Variants in SDHC observed in about 807,000 individuals in gnomAD.
The protein encoded by SDHC is succinate dehydrogenase cytochrome b560 subunit, mitochondrial.
Under a neutral mutation model 22.6 loss-of-function variants are expected in SDHC, and 11 were observed. The observed-to-expected ratio is 0.49, with a 90% CI of 0.31 to 0.81. The LOEUF is 0.81. Among genes scored for constraint, SDHC ranks in the 30% least tolerant of loss-of-function variants. The pLI is 0.05. For synonymous variants in SDHC, 80 were observed against 77.8 expected (o/e 1.03, Z -0.15); for missense variants, 160 against 212.0 (o/e 0.75, Z 1.52).
intron 5 of SDHC, among the ~76,000 whole-genome samples, chr1:161,358,921 A>T (rs1672391860): frequency 7.6e-6 from 1 of 131,024 alleles, no homozygotes; most frequent in Admixed American, 8.5e-5. Flanking sequence ...CAAGAGCGAA[A>T]TTCCGTCTCA....
intron 1 of SDHC, among the ~76,000 whole-genome samples, chr1:161,319,644 A>G (rs1670769928): frequency 6.6e-6 from 1 of 151,856 alleles, no homozygotes. Flanking sequence ...GTGGGGTTTC[A>G]CCATGTCGGC....
At chr1:161,336,061 T>G (rs963887051) in intron 3 of SDHC, among the ~76,000 whole-genome samples, 5 of 152,134 alleles carry the variant, frequency 3.3e-5, no homozygotes, top group African/African-American at 1.2e-4. Flanking sequence ...ATTCCAGGAA[T>G]AATCCTGTTT....
intron 3 of SDHC, among the ~76,000 whole-genome samples, chr1:161,331,836 C>G (rs551696527): frequency 9.2e-5 from 14 of 152,212 alleles, no homozygotes; most frequent in Admixed American, 2.6e-4. Context: ...ACCTCGTGAT[C>G]TGCCCGCCCT....
intron 5 of SDHC, among the ~76,000 whole-genome samples, chr1:161,360,022 A>T (rs536582317): frequency 4.7e-4 from 63 of 134,954 alleles, no homozygotes; most frequent in African/African-American, 1.6e-3. Flanking sequence ...GCATCTTCTC[A>T]TCTTGATTTT....
At chr1:161,326,566 T>TAG (rs1453001693) in intron 2 of SDHC, 1 of 147,246 alleles carries the variant, frequency 6.8e-6, no homozygotes, top group African/African-American at 2.5e-5. Context: ...TTTTTAAATA[T>TAG]ATATATATAT....
At chr1:161,344,639 G>T (rs894207014) in intron 4 of SDHC, among the ~76,000 whole-genome samples, 1 of 152,060 alleles carries the variant, frequency 6.6e-6, no homozygotes, top group Non-Finnish European at 1.5e-5. Flanking sequence ...AATGTTGAAG[G>T]TCCCTCCATC....
intron 3 of SDHC, among the ~76,000 whole-genome samples, chr1:161,336,679 C>G (rs180844852): frequency 7.9e-5 from 12 of 152,060 alleles, no homozygotes; most frequent in Admixed American, 2.0e-4. Flanking sequence ...GGGGCTATAT[C>G]CAGAGTGGCA....
intron 2 of SDHC, among the ~76,000 whole-genome samples, chr1:161,327,439 G>C (rs1020443324): frequency 6.6e-6 from 1 of 152,184 alleles, no homozygotes; most frequent in Non-Finnish European, 1.5e-5. Context: ...TGGACTTTCT[G>C]TTGTTGGAGT....
chr1:161,326,217 AAGC>A (rs1671040261), intron 2 of SDHC, among the ~76,000 whole-genome samples: 1 of 152,044 alleles, frequency 6.6e-6, no homozygotes, highest in Middle Eastern at 3.2e-3. Flanking sequence ...AAAAAAAAAA[AAGC>A]AGAGTTATCG....
At chr1:161,353,882 A>T (rs1272959786) in intron 4 of SDHC, among the ~76,000 whole-genome samples, 1 of 152,242 alleles carries the variant, frequency 6.6e-6, no homozygotes. Flanking sequence ...TTTTTATTTC[A>T]TTCTTAAATA....
At chr1:161,322,762 T>A (rs1670884562) in intron 1 of SDHC, among the ~76,000 whole-genome samples, 1 of 152,108 alleles carries the variant, frequency 6.6e-6, no homozygotes, top group South Asian at 2.1e-4. Flanking sequence ...AGATGGGGTT[T>A]TACCATGTTG....
At chr1:161,325,334 C>T (rs1383377629) in intron 2 of SDHC, among the ~76,000 whole-genome samples, 1 of 146,296 alleles carries the variant, frequency 6.8e-6, no homozygotes, top group Non-Finnish European at 1.5e-5. Context: ...ATAGGGATAC[C>T]CTGTCTCAAT....
rs145535502 is a variant in SDHC, at chr1:161,328,417, G to A, written c.99G>A (p.Thr33=). Residue 33 remains threonine (T), a synonymous_variant, in exon 3 of 6, where the codon ACG becomes ACA. Coordinates refer to ENST00000367975, the MANE Select transcript of SDHC (RefSeq NM_003001.5). ...CIRNAVPLGT[T]AKEEMERFWN... ...TTAGTGCTGTTCCTTTGGGAACCAC[G>A]GCCAAAGAAGAGATGGAGCGGTTCT... The A allele has an allele frequency of 9.3e-6, 15 of 1,613,072 alleles. No homozygotes were observed. Among genetic ancestry groups the A allele is most frequent in the East Asian group, 4.5e-5 (2 of 44,890 alleles).
chr1:161,359,005 T>C (rs985207296), intron 5 of SDHC, among the ~76,000 whole-genome samples: 12 of 149,436 alleles, frequency 8.0e-5, no homozygotes, highest in South Asian at 2.1e-4. Context: ...CTTGGGAGGC[T>C]GAGGCAGGAG....
At chr1:161,344,147 G>A (rs192046430) in intron 4 of SDHC, among the ~76,000 whole-genome samples, 2 of 152,258 alleles carry the variant, frequency 1.3e-5, no homozygotes, top group Admixed American at 6.5e-5. Context: ...AAAAATAGCC[G>A]GGCATGGTGG....
At chr1:161,314,759 G>A (rs1670544256) in intron 1 of SDHC, 1 of 386,546 alleles carries the variant, frequency 2.6e-6, no homozygotes, top group Non-Finnish European at 4.7e-6. Flanking sequence ...TTCAAGGTCA[G>A]CCACCCATGG....
intron 5 of SDHC, among the ~76,000 whole-genome samples, chr1:161,357,849 G>A (rs1457505118): frequency 6.6e-6 from 1 of 152,162 alleles, no homozygotes; most frequent in Non-Finnish European, 1.5e-5. Flanking sequence ...AACCATTGTT[G>A]CTGCTTTCAT....
intron 3 of SDHC, among the ~76,000 whole-genome samples, chr1:161,339,246 A>G (rs1235067861): frequency 1.3e-5 from 2 of 152,022 alleles, no homozygotes; most frequent in African/African-American, 2.4e-5. Context: ...ACAGTGGCAC[A>G]GTCATAGCTC....
chr1:161,361,928 T>A (rs1454293347), intron 5 of SDHC, among the ~76,000 whole-genome samples: 1 of 152,054 alleles, frequency 6.6e-6, no homozygotes, highest in Non-Finnish European at 1.5e-5. Context: ...CTTTTTTTTT[T>A]TTGGCCCATA....
Sources: allele counts gnomAD v4.1 joint callset (sites outside exome capture counted in the v4.1 genomes callset), GRCh38; gene constraint gnomAD v4.1.1; transcripts MANE v1.5; gene names NCBI Gene and HGNC (gene_info 2026-07-23, HGNC 2026-07-21).